Variants in SCN9A observed in about 807,000 individuals in gnomAD.
SCN9A encodes sodium voltage-gated channel alpha subunit 9, also known as sodium channel protein type 9 subunit alpha.
In SCN9A, 131 loss-of-function variants were observed where a neutral mutation model predicts 187.0. The observed-to-expected ratio is 0.70, with a 90% CI of 0.61 to 0.81. SCN9A has a LOEUF of 0.81. SCN9A is among the 30% of genes least tolerant of loss of function. The probability of loss-of-function intolerance (pLI) is 0.00; values close to 1 mark genes in which losing one functional copy is unlikely to be tolerated. For missense variants in SCN9A, 2,252 were observed against 2,396.6 expected, an observed-to-expected ratio of 0.94 and a Z score of 1.26; for synonymous variants, 809 against 808.6, an observed-to-expected ratio of 1.00 and a Z score of -0.01.
chr2:166,293,997 C>T (rs1698192075), intron 8 of SCN9A, among the ~76,000 whole-genome samples: 1 of 152,078 alleles, frequency 6.6e-6, no homozygotes, highest in African/African-American at 2.4e-5. Flanking sequence ...TGCCAGTGTA[C>T]ACAGAGCCTG....
At chr2:166,316,261 T>TTGA (rs1699106205) in intron 1 of SCN9A, among the ~76,000 whole-genome samples, 1 of 152,110 alleles carries the variant, frequency 6.6e-6, no homozygotes. Context: ...TCACTAGTAA[T>TTGA]CAAAGAAACA....
At chr2:166,243,044 A>C (rs1274721844) in intron 18 of SCN9A, among the ~76,000 whole-genome samples, 1 of 152,098 alleles carries the variant, frequency 6.6e-6, no homozygotes, top group Non-Finnish European at 1.5e-5. Flanking sequence ...ATAATTTTAG[A>C]TACTTCCACT....
intron 24 of SCN9A, among the ~76,000 whole-genome samples, chr2:166,216,237 A>G (rs536825757): frequency 6.6e-6 from 1 of 152,226 alleles, no homozygotes; most frequent in African/African-American, 2.4e-5. Flanking sequence ...ATGTACCTTA[A>G]CAAAATAAAG....
chr2:166,353,222 CAAAAA>C (rs112222195), intron 1 of SCN9A, among the ~76,000 whole-genome samples: 1 of 80,838 alleles, frequency 1.2e-5, no homozygotes. Flanking sequence ...TCCCTGTTTC[CAAAAA>C]AAAAAAAAAG....
chr2:166,288,538 A>G lies in SCN9A; in HGVS notation c.1213T>C (p.Tyr405His). ...NLILAVVAMA[Y>H]EEQNQANIEE... is the part of the protein sequence containing the mutation. ...ATGTTTGCCTGGTTCTGTTCTTCAT[A>G]TGCCATGGCAACCACAGCCAGGATC... The change falls in exon 10 of 27, where the codon TAT (tyrosine) becomes CAT (histidine). Residue 405 changes from tyrosine (Y) to histidine (H), a missense_variant. Tyr to His is a moderately conservative substitution (Grantham distance 83, BLOSUM62 2). Transcript: ENST00000642356. 6.2e-7 allele frequency: 1 copy of G among 1,613,192 alleles called. No homozygotes were observed. The highest frequency in any genetic ancestry group is 8.5e-7 in the Non-Finnish European group (1 of 1,179,348).
intron 1 of SCN9A, among the ~76,000 whole-genome samples, chr2:166,363,303 T>C (rs1700334167): frequency 6.6e-6 from 1 of 152,038 alleles, no homozygotes; most frequent in South Asian, 2.1e-4. Context: ...TTCAATTTGT[T>C]TACTCAAGTA....
At position 166,358,813 on chromosome 2, in the gene SCN9A, T is replaced by G. The variant is rs181563231; in HGVS notation, c.-51+16884A>C. Among the ~76,000 whole-genome samples the G allele has an allele frequency of 1.1e-3, 161 of 152,342 alleles. 2 individuals are homozygous for G. The highest frequency in any genetic ancestry group is 3.7e-3 in the African/African-American group (154 of 41,592). On this transcript the variant is annotated intron_variant, in intron 1 of 26. Transcript: ENST00000642356. ...CCTCCCTCAAACCTTGTAATGACAT[T>G]GATATATTATCCATCTCAGGTGAAA...
rs10710576 is a variant in SCN9A at position 166,332,970 on chromosome 2, CA to C, written c.-50-21165del. ...TTTAAAATTATATTTTATTATATTTCAAAAATATTTTTGTCCTCAAGAAAAT... is the reference window on the plus strand; with the variant it reads ...TTTAAAATTATATTTTATTATATTTCAAAATATTTTTGTCCTCAAGAAAAT... On this transcript the variant is annotated intron_variant, in intron 1 of 26. Coordinates refer to ENST00000642356, the MANE Select transcript of SCN9A (RefSeq NM_001365536.1). Among the ~76,000 whole-genome samples, 1,394 of 151,038 alleles carry C rather than the reference CA, an allele frequency of 9.2e-3. 31 individuals carry two copies. Among genetic ancestry groups the C allele is most frequent in the African/African-American group, 0.031 (1,265 of 41,388 alleles).
rs774717311 is a variant in SCN9A, at chr2:166,278,257, T to C, written c.2400A>G (p.Pro800=). The C allele has an allele frequency of 3.4e-5, 55 of 1,612,284 alleles. No individual in the cohort carries two copies. Among genetic ancestry groups the C allele is most frequent in the Non-Finnish European group, 4.4e-5 (52 of 1,179,290 alleles). Residue 800 remains proline (P), a synonymous_variant, in exon 15 of 27, where the codon CCA becomes CCG. Transcript: ENST00000642356. ...TCCAGCCTACTTGGAAATACTCATA[T>C]GGATCCATGGCAATCAGTTTTAATA... ...EMVLKLIAMD[P]YEYFQVGWNI... is the part of the protein sequence containing the mutation.
Position 166,277,827 on chromosome 2 carries a change from T to C in SCN9A, c.2517+313A>G, listed in dbSNP as rs975576104. ...CCAAATTCATAAAGTTATGAACATA[T>C]AATCATTGAAATTCTGTAAGCCACA... On this transcript the variant is annotated intron_variant, in intron 15 of 26. Coordinates refer to ENST00000642356, the MANE Select transcript of SCN9A (RefSeq NM_001365536.1). 6.3e-5 allele frequency: 17 copies of C among 269,410 alleles called. No homozygotes were observed. In the Admixed American group the frequency reaches 6.5e-4, roughly 10 times the overall value. 16.7% of individuals were successfully genotyped at this position (269,410 alleles called of 1,614,324 possible).
chr2:166,217,409 G>A (rs1021444832), intron 24 of SCN9A, among the ~76,000 whole-genome samples: 3 of 151,974 alleles, frequency 2.0e-5, no homozygotes, highest in Admixed American at 6.6e-5. Flanking sequence ...AGCAATAACA[G>A]AGTGGAGAGA....
At chr2:166,259,132 G>GGCA (rs1696400605) in intron 17 of SCN9A, 1 of 151,666 alleles carries the variant, frequency 6.6e-6, no homozygotes, top group African/African-American at 2.4e-5. Flanking sequence ...CAGTGGGTCA[G>GGCA]GCAGAAAGGT....
chr2:166,229,350 G>GA (rs905020914), intron 21 of SCN9A, among the ~76,000 whole-genome samples: 8 of 150,076 alleles, frequency 5.3e-5, no homozygotes, highest in East Asian at 1.9e-4. Flanking sequence ...GTACACTCTG[G>GA]AAAAAAAAGA....
chr2:166,304,837 T>A (rs1027500671), intron 5 of SCN9A, among the ~76,000 whole-genome samples: 12 of 152,026 alleles, frequency 7.9e-5, no homozygotes, highest in Non-Finnish European at 1.8e-4. Context: ...TCTAATTAGG[T>A]AGTGGTGATG....
chr2:166,366,441 G>A (rs1700418974), intron 1 of SCN9A, among the ~76,000 whole-genome samples: 1 of 152,006 alleles, frequency 6.6e-6, no homozygotes, highest in South Asian at 2.1e-4. Flanking sequence ...CATTTGGGTT[G>A]TTTTCATATT....
intron 1 of SCN9A, among the ~76,000 whole-genome samples, chr2:166,354,460 G>C (rs766453651): frequency 1.3e-5 from 2 of 152,006 alleles, no homozygotes; most frequent in Middle Eastern, 6.8e-3. Context: ...CTCTAATTTG[G>C]GATTACACAA....
At chr2:166,247,804 T>C (rs1695861560) in intron 18 of SCN9A, among the ~76,000 whole-genome samples, 1 of 152,150 alleles carries the variant, frequency 6.6e-6, no homozygotes, top group African/African-American at 2.4e-5. Flanking sequence ...ATTTACTAAT[T>C]TGATAATCTA....
At chr2:166,346,151 A>C (rs1699895901) in intron 1 of SCN9A, among the ~76,000 whole-genome samples, 1 of 152,170 alleles carries the variant, frequency 6.6e-6, no homozygotes, top group Admixed American at 6.5e-5. Context: ...AACAAGCAAG[A>C]AAACAAGAGT....
chr2:166,255,233 T>A (rs1010223522), intron 17 of SCN9A, among the ~76,000 whole-genome samples: 4 of 151,508 alleles, frequency 2.6e-5, no homozygotes, highest in African/African-American at 9.7e-5. Context: ...ATGTAGCTAT[T>A]TAAGATGCTC....
Sources: gnomAD v4.1 joint callset for allele counts (sites outside exome capture counted in the v4.1 genomes callset) on GRCh38, gnomAD v4.1.1 for gene constraint, MANE v1.5 for transcripts, NCBI Gene and HGNC (gene_info 2026-07-23, HGNC 2026-07-21) for gene names.